EPHB2: variants seen among roughly 807,000 people sequenced by gnomAD.
EPHB2 encodes ephrin type-B receptor 2.
In EPHB2, 18 loss-of-function variants were observed where a neutral mutation model predicts 96.4. The ratio of observed to expected loss-of-function variants is 0.19; its 90% confidence interval spans 0.13 to 0.28. EPHB2 has a LOEUF of 0.28. EPHB2 is among the 10% of genes least tolerant of loss of function. The probability of loss-of-function intolerance (pLI) is 1.00; values close to 1 mark genes in which losing one functional copy is unlikely to be tolerated. For missense variants in EPHB2, 989 were observed against 1,355.4 expected (o/e 0.73, Z 4.25); for synonymous variants, 506 against 534.1 (o/e 0.95, Z 0.72).
At chr1:22,770,823 C>T (rs1041427454) in intron 1 of EPHB2, among the ~76,000 whole-genome samples, 2 of 150,992 alleles carry the variant, frequency 1.3e-5, no homozygotes, top group African/African-American at 2.4e-5. Context: ...AGTGGATGAA[C>T]AGGTGGTAGA....
At chr1:22,800,134 G>T (rs1263054668) in intron 3 of EPHB2, 2 of 152,312 alleles carry the variant, frequency 1.3e-5, no homozygotes, top group African/African-American at 2.4e-5. Flanking sequence ...GACCCGGGAG[G>T]GATGTGCACG....
At chr1:22,883,220 C>T (rs1639109445) in intron 6 of EPHB2, among the ~76,000 whole-genome samples, 1 of 152,224 alleles carries the variant, frequency 6.6e-6, no homozygotes, top group Non-Finnish European at 1.5e-5. Context: ...CAGCACAGCA[C>T]CCAGAATGGG....
At chr1:22,731,541 A>C (rs555662448) in intron 1 of EPHB2, among the ~76,000 whole-genome samples, 91 of 152,310 alleles carry the variant, frequency 6.0e-4, no homozygotes, top group African/African-American at 2.1e-3. Context: ...GTAAGTTCTC[A>C]ACAAATAACC....
Position 22,858,771 on chromosome 1 carries a change from A to T in EPHB2, c.812-4266A>T, listed in dbSNP as rs918295616. On this transcript the variant is annotated intron_variant, in intron 3 of 15. Transcript: ENST00000374630. The surrounding 1 kb of genome is among the most constrained non-coding windows in gnomAD (Gnocchi z 7.7). Reference sequence around the variant, plus strand: ...GTCACACAGTAGACTTGGGATCAGAATTGGCCTCTGCTACTGAAGAGCTAT... The same window carrying T: ...GTCACACAGTAGACTTGGGATCAGATTTGGCCTCTGCTACTGAAGAGCTAT... 5.3e-5 allele frequency among the ~76,000 whole-genome samples: 8 copies of T among 152,150 alleles called. No homozygotes were observed. The highest frequency in any genetic ancestry group is 1.9e-4 in the African/African-American group (8 of 41,418).
chr1:22,893,208 C>T (rs1191394120), intron 7 of EPHB2, among the ~76,000 whole-genome samples, 162 bp downstream of exon 7: 1 of 152,178 alleles, frequency 6.6e-6, no homozygotes, highest in African/African-American at 2.4e-5. Flanking sequence ...TGTGCACAAC[C>T]ATATATAAAA....
chr1:22,734,293 CCA>C (rs933793203), intron 1 of EPHB2, among the ~76,000 whole-genome samples: 6 of 152,212 alleles, frequency 3.9e-5, no homozygotes, highest in African/African-American at 1.2e-4. Context: ...CCTTTCCCCT[CCA>C]CAGTCTCACC....
At chr1:22,787,249 T>C (rs752366515) in intron 3 of EPHB2, among the ~76,000 whole-genome samples, 5 of 152,170 alleles carry the variant, frequency 3.3e-5, no homozygotes, top group Non-Finnish European at 7.4e-5. Flanking sequence ...GGAGGTGACA[T>C]TGGAGCTGAG....
intron 1 of EPHB2, among the ~76,000 whole-genome samples, chr1:22,763,302 G>A (rs1173222015): frequency 6.6e-6 from 1 of 152,158 alleles, no homozygotes. Context: ...CGAGTCCTGG[G>A]CAGGGTTTGG....
chr1:22,733,860 C>T lies in EPHB2; in HGVS notation c.61+22817C>T, dbSNP rs1056491990. Among the ~76,000 whole-genome samples, 1 of 149,284 alleles carries T rather than the reference C, an allele frequency of 6.7e-6. No individual in the cohort carries two copies. The highest frequency in any genetic ancestry group is 2.1e-4 in the South Asian group (1 of 4,652). ...TGGGGACAGAGCTAGAAGTTGAACCCGGGACTGGATTCTTGACCTGGTATG... is the reference window on the plus strand; with the variant it reads ...TGGGGACAGAGCTAGAAGTTGAACCTGGGACTGGATTCTTGACCTGGTATG... On this transcript the variant is annotated intron_variant, in intron 1 of 15. Coordinates refer to ENST00000374630, the MANE Select transcript of EPHB2 (RefSeq NM_017449.5). The surrounding 1 kb of genome is among the most constrained non-coding windows in gnomAD (Gnocchi z 4.6).
At position 22,899,193 on chromosome 1, in the gene EPHB2, CAAAAAAAAA is replaced by C. The variant is rs34967134; in HGVS notation, c.1765+2725_1765+2733del. 8.2e-4 allele frequency among the ~76,000 whole-genome samples: 94 copies of C among 115,168 alleles called. 2 individuals are homozygous for C. The South Asian group carries it at 0.026, about 32-fold the overall frequency. The allele number at this position is 115,168 out of a possible 152,430, so 75.6% of individuals were successfully genotyped here. On this transcript the variant is annotated intron_variant, in intron 9 of 15. Transcript: ENST00000374630. ...GGGCAGCAAGTACAAAACGCCATCTCAAAAAAAAAAAAAAAAAATAGTTTGGGGCCAGGC... is the reference window on the plus strand; with the variant it reads ...GGGCAGCAAGTACAAAACGCCATCTCAAAAAAAAATAGTTTGGGGCCAGGC...
At chr1:22,742,495 TTCTC>T in intron 1 of EPHB2, among the ~76,000 whole-genome samples, 1 of 152,260 alleles carries the variant, frequency 6.6e-6, no homozygotes, top group Admixed American at 6.5e-5. Context: ...CTTCCTTCCT[TTCTC>T]TCTTTCTTCC....
At chr1:22,764,975 G>T (rs955190055) in intron 1 of EPHB2, among the ~76,000 whole-genome samples, 10 of 152,192 alleles carry the variant, frequency 6.6e-5, no homozygotes, top group African/African-American at 2.2e-4. Flanking sequence ...CACGGGAGGC[G>T]CTCAGAGAGG....
intron 3 of EPHB2, 74 bp from the exon 4 acceptor site, chr1:22,862,963 T>G: frequency 8.7e-4 from 1,377 of 1,588,244 alleles, no homozygotes; most frequent in Non-Finnish European, 1.1e-3. Flanking sequence ...GGCCCCTCCG[T>G]GAGGCTGCGT....
rs892649210 is a variant in EPHB2, at chr1:22,907,988, G to T, written c.2172G>T (p.Val724=). The part of the protein sequence containing the change: ...NDGQFTVIQL[V]GMLRGIAAGM... Reference sequence around the variant, plus strand: ...GGCAGTTCACAGTCATCCAGCTGGTGGGCATGCTTCGGGGCATCGCAGCTG... The same window carrying T: ...GGCAGTTCACAGTCATCCAGCTGGTTGGCATGCTTCGGGGCATCGCAGCTG... The change falls in exon 12 of 16, where the codon GTG becomes GTT. Residue 724 remains valine, a synonymous_variant. Transcript: ENST00000374630. The T allele has an allele frequency of 1.2e-6, 2 of 1,614,132 alleles. No homozygotes were observed. Among genetic ancestry groups the T allele is most frequent in the African/African-American group, 2.7e-5 (2 of 74,948 alleles).
chr1:22,867,594 G>T (rs1033881066), intron 5 of EPHB2, among the ~76,000 whole-genome samples: 2 of 152,164 alleles, frequency 1.3e-5, no homozygotes, highest in Non-Finnish European at 2.9e-5. Flanking sequence ...AAAACCAGCC[G>T]GTCACAGTGG....
intron 3 of EPHB2, among the ~76,000 whole-genome samples, chr1:22,832,947 T>A (rs1270490058): frequency 1.3e-5 from 2 of 152,142 alleles, no homozygotes; most frequent in African/African-American, 4.8e-5. Flanking sequence ...TACACATGTA[T>A]ACAGACAGGG....
At chr1:22,809,509 T>A (rs773946523) in intron 3 of EPHB2, among the ~76,000 whole-genome samples, 15 of 152,230 alleles carry the variant, frequency 9.9e-5, no homozygotes, top group Admixed American at 3.9e-4. Context: ...TACATACTCA[T>A]TTAATTATTT....
chr1:22,912,827 T>A, intron 15 of EPHB2: 1 of 586,884 alleles, frequency 1.7e-6, no homozygotes, highest in Non-Finnish European at 3.1e-6. Context: ...TCCCTCAGCC[T>A]CCGTTTTCTC....
Position 22,784,636 on chromosome 1 carries a change from C to T in EPHB2, c.371C>T (p.Thr124Ile). 6.2e-7 allele frequency: 1 copy of T among 1,614,124 alleles called. No individual in the cohort carries two copies. Among genetic ancestry groups the T allele is most frequent in the South Asian group, 1.1e-5 (1 of 91,064 alleles). Residue 124 changes from threonine to isoleucine, a missense_variant, in exon 3 of 16, where the codon ACC (threonine) becomes ATC (isoleucine). Transcript: ENST00000374630. The surrounding 1 kb of genome is among the most constrained non-coding windows in gnomAD (Gnocchi z 5.1). ...YYYEADFDSA[T>I]KTFPNWMENP... is the part of the protein sequence containing the mutation. ...TATGAGGCTGACTTTGACTCGGCCA[C>T]CAAGACCTTCCCCAACTGGATGGAG...
Sources: gnomAD v4.1 joint callset for allele counts (sites outside exome capture counted in the v4.1 genomes callset) on GRCh38, gnomAD v4.1.1 for gene constraint, Gnocchi (gnomAD v3.1) non-coding constraint, MANE v1.5 for transcripts, NCBI Gene and HGNC (gene_info 2026-07-23, HGNC 2026-07-21) for gene names.